The following EDIL3 variants were observed in gnomAD, a reference collection of about 807,000 sequenced individuals.
EDIL3 encodes EGF-like repeat and discoidin I-like domain-containing protein 3.
Under a neutral mutation model 67.4 loss-of-function variants are expected in EDIL3, and 37 were observed. The observed-to-expected ratio is 0.55, with a 90% CI of 0.42 to 0.72. The LOEUF (loss-of-function observed/expected upper bound fraction) is 0.72, where lower values mean the gene tolerates loss of function less well. Ranked by LOEUF, EDIL3 falls within the 30% of genes least tolerant of loss-of-function variation. The probability of loss-of-function intolerance (pLI) is 0.00; values close to 1 mark genes in which losing one functional copy is unlikely to be tolerated. For synonymous variants in EDIL3, 195 were observed against 196.3 expected (o/e 0.99, Z 0.05); for missense variants, 527 against 586.3 (o/e 0.90, Z 1.04).
At chr5:84,047,335 T>G (rs1002338845) in intron 9 of EDIL3, among the ~76,000 whole-genome samples, 1 of 152,114 alleles carries the variant, frequency 6.6e-6, no homozygotes, top group African/African-American at 2.4e-5. Context: ...CTTATGGAAG[T>G]TTTTGTTTTC....
chr5:84,361,737 C>T (rs145869998), intron 1 of EDIL3, among the ~76,000 whole-genome samples: 1 of 151,610 alleles, frequency 6.6e-6, no homozygotes, highest in African/African-American at 2.4e-5. Flanking sequence ...ATCAAGTATA[C>T]CGTATAAACA....
intron 1 of EDIL3, among the ~76,000 whole-genome samples, chr5:84,372,524 G>A (rs778010459): frequency 1.3e-5 from 2 of 152,096 alleles, no homozygotes; most frequent in South Asian, 2.1e-4. Context: ...TTCAAAATAC[G>A]TAGAGGGCCA....
intron 1 of EDIL3, among the ~76,000 whole-genome samples, chr5:84,348,005 A>G (rs1250145785): frequency 6.6e-6 from 1 of 152,168 alleles, no homozygotes; most frequent in East Asian, 1.9e-4. Context: ...ATTCAATTCC[A>G]GGTACTGGAA....
At chr5:84,070,650 T>C (rs1163305890) in intron 6 of EDIL3, among the ~76,000 whole-genome samples, 1 of 149,428 alleles carries the variant, frequency 6.7e-6, no homozygotes, top group Admixed American at 6.7e-5. Context: ...TGTGTGTGTT[T>C]AAATCTAATC....
intron 9 of EDIL3, among the ~76,000 whole-genome samples, chr5:84,014,557 A>G (rs1745567818): frequency 6.6e-6 from 1 of 152,182 alleles, no homozygotes; most frequent in South Asian, 2.1e-4. Context: ...AGGCAGAAGA[A>G]TCGCTTGAAC....
At chr5:84,097,834 T>C (rs1747291709) in intron 6 of EDIL3, among the ~76,000 whole-genome samples, 2 of 152,060 alleles carry the variant, frequency 1.3e-5, no homozygotes, top group East Asian at 1.9e-4. Context: ...CACAGAGAAA[T>C]TGACACTGCA....
chr5:84,074,002 C>A (rs1002374523), intron 6 of EDIL3, among the ~76,000 whole-genome samples: 18 of 151,304 alleles, frequency 1.2e-4, no homozygotes, highest in Admixed American at 3.9e-4. Flanking sequence ...AAACAGAGAT[C>A]TAGATCAATG....
chr5:84,073,999 G>T (rs1746800226), intron 6 of EDIL3, among the ~76,000 whole-genome samples: 2 of 151,742 alleles, frequency 1.3e-5, no homozygotes, highest in Non-Finnish European at 2.9e-5. Flanking sequence ...CCAAAACAGA[G>T]ATCTAGATCA....
At chr5:83,995,157 T>TACCCAC (rs1554062578) in intron 9 of EDIL3, among the ~76,000 whole-genome samples, 1 of 149,052 alleles carries the variant, frequency 6.7e-6, no homozygotes, top group African/African-American at 2.5e-5. Flanking sequence ...CACACACACA[T>TACCCAC]ACACACACAC....
In EDIL3 at chr5:84,157,995, G is replaced by C. The variant is rs151057984; in HGVS notation, c.356-20641C>G. Among the ~76,000 whole-genome samples, 99 of 152,170 alleles carry C rather than the reference G, an allele frequency of 6.5e-4. 1 individual carries two copies. Among genetic ancestry groups the C allele is most frequent in the African/African-American group, 2.3e-3 (96 of 41,570 alleles). ...GGAATCTATTACAGAACAAAGAAGT[G>C]TTGCTATAACAAAGCAGCATGCTGC... On this transcript the variant is annotated intron_variant, in intron 4 of 10. Transcript: ENST00000296591.
chr5:84,311,871 T>TG (rs1255589941), intron 1 of EDIL3, among the ~76,000 whole-genome samples: 1 of 152,172 alleles, frequency 6.6e-6, no homozygotes, highest in Non-Finnish European at 1.5e-5. Flanking sequence ...AGCACAGGGT[T>TG]GGGGGTAGGG....
At chr5:84,037,291 A>G (rs972422520) in intron 9 of EDIL3, among the ~76,000 whole-genome samples, 2 of 152,196 alleles carry the variant, frequency 1.3e-5, no homozygotes, top group African/African-American at 2.4e-5. Context: ...ATTAATTGGT[A>G]ACTTTAATGC....
intron 9 of EDIL3, among the ~76,000 whole-genome samples, chr5:84,059,258 C>T (rs138616959): frequency 1.3e-5 from 2 of 151,928 alleles, no homozygotes; most frequent in South Asian, 2.1e-4. Context: ...AAAAAATTAG[C>T]GGGGTATAGT....
chr5:84,024,570 C>G (rs1488001150), intron 9 of EDIL3, among the ~76,000 whole-genome samples: 1 of 152,020 alleles, frequency 6.6e-6, no homozygotes, highest in Admixed American at 6.6e-5. Flanking sequence ...AGGCAGGCAG[C>G]GTGGTAAAAG....
chr5:84,305,767 T>G (rs1288047895), intron 1 of EDIL3, among the ~76,000 whole-genome samples: 1 of 152,038 alleles, frequency 6.6e-6, no homozygotes, highest in Non-Finnish European at 1.5e-5. Flanking sequence ...TAATCCCAGC[T>G]ACTCGGGAGG....
intron 6 of EDIL3, among the ~76,000 whole-genome samples, chr5:84,086,239 T>C (rs1220920643): frequency 6.6e-6 from 1 of 152,176 alleles, no homozygotes; most frequent in Non-Finnish European, 1.5e-5. Flanking sequence ...GCTAGCTCAG[T>C]GTCTGCCCAA....
chr5:83,982,314 A>G (rs1336104561), intron 9 of EDIL3, among the ~76,000 whole-genome samples: 8 of 152,090 alleles, frequency 5.3e-5, no homozygotes, highest in Non-Finnish European at 1.2e-4. Flanking sequence ...AAATTAATAT[A>G]TCAATTAATA....
intron 1 of EDIL3, among the ~76,000 whole-genome samples, chr5:84,300,333 G>C (rs1010485691): frequency 1.3e-5 from 2 of 152,098 alleles, no homozygotes; most frequent in African/African-American, 4.8e-5. Context: ...CAGGTGCTTA[G>C]GTTGGTTCCA....
chr5:84,297,050 G>C (rs938911409), intron 1 of EDIL3, among the ~76,000 whole-genome samples: 1 of 151,700 alleles, frequency 6.6e-6, no homozygotes, highest in Non-Finnish European at 1.5e-5. Context: ...GGTATGGAAG[G>C]GGGTGCCAAT....
Sources: allele counts gnomAD v4.1 joint callset (sites outside exome capture counted in the v4.1 genomes callset), GRCh38; gene constraint gnomAD v4.1.1; transcripts MANE v1.5; gene names NCBI Gene and HGNC (gene_info 2026-07-23, HGNC 2026-07-21).